Variants in FAM193A observed in about 807,000 individuals in gnomAD.
The protein encoded by FAM193A is protein FAM193A.
FAM193A carries 22 observed loss-of-function variants against 126.5 expected under a neutral mutation model. The ratio of observed to expected loss-of-function variants is 0.17; its 90% CI spans 0.12 to 0.25. The LOEUF is 0.25. Ranked by LOEUF, FAM193A falls within the 10% of genes least tolerant of loss-of-function variation. The pLI, the probability that FAM193A is intolerant of heterozygous loss-of-function variation, is 1.00. For synonymous variants in FAM193A, 761 were observed against 646.8 expected, an observed-to-expected ratio of 1.18 and a Z score of -2.68; for missense variants, 1,675 against 1,672.8, an observed-to-expected ratio of 1.00 and a Z score of -0.02.
At chr4:2,554,288 T>C (rs1440728409) in intron 1 of FAM193A, among the ~76,000 whole-genome samples, 2 of 152,058 alleles carry the variant, frequency 1.3e-5, no homozygotes, top group African/African-American at 4.8e-5. Context: ...TTTCACCACG[T>C]TGGCCAGGCT....
chr4:2,729,645 C>T (rs1053456719), intron 20 of FAM193A, among the ~76,000 whole-genome samples: 3 of 152,152 alleles, frequency 2.0e-5, no homozygotes, highest in Admixed American at 2.0e-4. Context: ...CATACGGATT[C>T]GCCACCGGCA....
At chr4:2,557,505 G>A (rs1177738665) in intron 1 of FAM193A, among the ~76,000 whole-genome samples, 1 of 152,140 alleles carries the variant, frequency 6.6e-6, no homozygotes, top group Non-Finnish European at 1.5e-5. Flanking sequence ...ACACCACAGT[G>A]CATTTAGCAG....
intron 7 of FAM193A, among the ~76,000 whole-genome samples, chr4:2,655,438 CGTGTGCGCCTGTGTGTGTGTGTG>C (rs1711554692): frequency 3.3e-5 from 5 of 151,194 alleles, no homozygotes; most frequent in African/African-American, 1.2e-4. Flanking sequence ...TGTGTGTGTG[CGTGTGCGCCTGTGTGTGTGTGTG>C]TGTGTATTCG....
At chr4:2,687,662 C>T (rs927586958) in intron 13 of FAM193A, among the ~76,000 whole-genome samples, 1 of 152,196 alleles carries the variant, frequency 6.6e-6, no homozygotes, top group Non-Finnish European at 1.5e-5. Flanking sequence ...ACTGCCATTG[C>T]TTCATCCTTT....
intron 20 of FAM193A, among the ~76,000 whole-genome samples, chr4:2,730,619 G>A (rs1032294666): frequency 7.9e-5 from 12 of 151,946 alleles, no homozygotes; most frequent in Admixed American, 2.0e-4. Context: ...GAACCTGGGA[G>A]GCGAAGGTTG....
At chr4:2,683,671 C>T (rs1194247351) in intron 13 of FAM193A, among the ~76,000 whole-genome samples, 2 of 152,206 alleles carry the variant, frequency 1.3e-5, no homozygotes, top group Non-Finnish European at 2.9e-5. Context: ...ATTTATTCCA[C>T]TTGATGTTCT....
At chr4:2,726,888 T>G (rs541779435) in intron 20 of FAM193A, among the ~76,000 whole-genome samples, 1 of 142,448 alleles carries the variant, frequency 7.0e-6, no homozygotes, top group Non-Finnish European at 1.5e-5. Context: ...AAGAGGAGGT[T>G]GTAGTGAGCC....
chr4:2,631,256 G>C (rs1009812733), intron 5 of FAM193A, 87 bp downstream of exon 5: 2 of 1,267,844 alleles, frequency 1.6e-6, no homozygotes, highest in South Asian at 1.4e-5. Context: ...CATGTGTGCC[G>C]ACCTCGCTGT....
chr4:2,682,424 G>C (rs1715260483), intron 13 of FAM193A, among the ~76,000 whole-genome samples: 1 of 152,112 alleles, frequency 6.6e-6, no homozygotes, highest in South Asian at 2.1e-4. Flanking sequence ...TTGGCCTCCT[G>C]AGTAGCTGGG....
At chr4:2,665,971 C>A (rs779203142) in intron 12 of FAM193A, among the ~76,000 whole-genome samples, 1 of 152,166 alleles carries the variant, frequency 6.6e-6, no homozygotes. Flanking sequence ...CTCAGCCTCC[C>A]GAGTGCTTTT....
At chr4:2,578,751 G>C (rs1415069443) in intron 1 of FAM193A, among the ~76,000 whole-genome samples, 1 of 152,022 alleles carries the variant, frequency 6.6e-6, no homozygotes, top group Non-Finnish European at 1.5e-5. Context: ...ATTATCTACT[G>C]TATTCCTACA....
chr4:2,726,999 G>C (rs1047222895), intron 20 of FAM193A, among the ~76,000 whole-genome samples: 1 of 150,540 alleles, frequency 6.6e-6, no homozygotes, highest in South Asian at 2.1e-4. Flanking sequence ...AGTGGCTCCT[G>C]CCTGTAATCC....
At chr4:2,644,837 C>A (rs1466413288) in intron 6 of FAM193A, among the ~76,000 whole-genome samples, 1 of 152,096 alleles carries the variant, frequency 6.6e-6, no homozygotes, top group African/African-American at 2.4e-5. Context: ...ATTATAAAAT[C>A]ATTAGATTGT....
intron 20 of FAM193A, among the ~76,000 whole-genome samples, chr4:2,728,238 A>ATT (rs58609064): frequency 0.12 from 9,799 of 81,790 alleles, 610 homozygotes; most frequent in Middle Eastern, 0.24. Flanking sequence ...ACCCGGCCCA[A>ATT]TTTTTTTTTT....
chr4:2,680,792 C>T (rs1317268739), intron 13 of FAM193A, among the ~76,000 whole-genome samples: 1 of 152,052 alleles, frequency 6.6e-6, no homozygotes, highest in Non-Finnish European at 1.5e-5. Flanking sequence ...CAGGCGCCCA[C>T]CACCATGCCC....
At chr4:2,624,600 T>A (rs111355128) in intron 2 of FAM193A, among the ~76,000 whole-genome samples, 21 of 152,368 alleles carry the variant, frequency 1.4e-4, no homozygotes, top group African/African-American at 4.8e-4. Context: ...ACCGTGGGCA[T>A]ATCACTTTCC....
At chr4:2,698,018 G>A (rs1717235188) in intron 18 of FAM193A, among the ~76,000 whole-genome samples, 1 of 152,232 alleles carries the variant, frequency 6.6e-6, no homozygotes, top group African/African-American at 2.4e-5. Context: ...AGAGGCTGAT[G>A]TCATAGGCCC....
intron 20 of FAM193A, among the ~76,000 whole-genome samples, chr4:2,716,921 C>T (rs1719602831): frequency 6.6e-6 from 1 of 152,292 alleles, no homozygotes; most frequent in South Asian, 2.1e-4. Context: ...GGTGATACAC[C>T]TGCCTTAGCC....
chr4:2,591,997 G>GAT (rs1037917141), intron 1 of FAM193A, among the ~76,000 whole-genome samples: 3 of 152,052 alleles, frequency 2.0e-5, no homozygotes, highest in Non-Finnish European at 4.4e-5. Flanking sequence ...CCCTTACATG[G>GAT]ATATATATAC....
Sources: allele counts gnomAD v4.1 joint callset (sites outside exome capture counted in the v4.1 genomes callset), GRCh38; gene constraint gnomAD v4.1.1; transcripts MANE v1.5; gene names NCBI Gene and HGNC (gene_info 2026-07-23, HGNC 2026-07-21).